The following LAPTM4A variants were observed in gnomAD, a reference collection of about 807,000 sequenced individuals.
LAPTM4A encodes the protein lysosomal protein transmembrane 4 alpha, also known as lysosomal-associated transmembrane protein 4A.
In LAPTM4A, 19 loss-of-function variants were observed where a neutral mutation model predicts 29.9. The ratio of observed to expected loss-of-function variants is 0.64; its 90% CI spans 0.44 to 0.93. The LOEUF is 0.93. Among genes scored for constraint, LAPTM4A ranks in the 40% least tolerant of loss-of-function variants. LAPTM4A has a pLI of 0.00. For synonymous variants in LAPTM4A, 105 were observed against 102.1 expected, an observed-to-expected ratio of 1.03 and a Z score of -0.17; for missense variants, 293 against 288.5, an observed-to-expected ratio of 1.02 and a Z score of -0.11.
chr2:20,033,459 G>C (rs754169272), intron 6 of LAPTM4A, among the ~76,000 whole-genome samples, 180 bp from the exon 7 acceptor site: 1 of 152,138 alleles, frequency 6.6e-6, no homozygotes, highest in Non-Finnish European at 1.5e-5. Context: ...ATTTTACCAA[G>C]ATTGCTAGCG....
intron 1 of LAPTM4A, among the ~76,000 whole-genome samples, chr2:20,043,065 G>A (rs1479379592): frequency 1.4e-5 from 2 of 147,356 alleles, no homozygotes; most frequent in Non-Finnish European, 3.0e-5. Context: ...TCAGTCCCCG[G>A]GGTAGCTGGG....
intron 1 of LAPTM4A, among the ~76,000 whole-genome samples, chr2:20,045,730 A>C (rs1435162095): frequency 6.6e-6 from 1 of 152,234 alleles, no homozygotes; most frequent in African/African-American, 2.4e-5. Context: ...CAGGGCCTGA[A>C]GAGAGGAATT....
At position 20,051,616 on chromosome 2, in the gene LAPTM4A, A is replaced by C; in HGVS notation, c.-96T>G. On this transcript the variant is annotated 5_prime_UTR_variant, in exon 1 of 7. Transcript: ENST00000175091. The stretch of plus-strand genomic sequence containing the variant: ...GCTGTTTCACGGCCTCCAAAACCCA[A>C]CGACGCGTCTTCAAACCCGCCCCCG... The C allele has an allele frequency of 1.7e-5, 13 of 754,904 alleles. No individual in the cohort carries two copies. The highest frequency in any genetic ancestry group is 2.6e-5 in the Non-Finnish European group (12 of 456,626). The allele number at this position is 754,904 out of a possible 1,614,324, so 46.8% of individuals were successfully genotyped here.
At chr2:20,049,391 A>G (rs1358392533) in intron 1 of LAPTM4A, among the ~76,000 whole-genome samples, 1 of 152,238 alleles carries the variant, frequency 6.6e-6, no homozygotes, top group Non-Finnish European at 1.5e-5. Context: ...CATCTTTTTA[A>G]AATTGTGAAA....
At chr2:20,042,360 G>A (rs1445840841) in intron 1 of LAPTM4A, among the ~76,000 whole-genome samples, 3 of 152,190 alleles carry the variant, frequency 2.0e-5, no homozygotes, top group African/African-American at 7.2e-5. Context: ...GCTCCCACCT[G>A]TACAGTTGGA....
At chr2:20,048,997 A>C (rs1673997994) in intron 1 of LAPTM4A, among the ~76,000 whole-genome samples, 1 of 152,244 alleles carries the variant, frequency 6.6e-6, no homozygotes, top group African/African-American at 2.4e-5. Flanking sequence ...AAACTATAAT[A>C]AACAAAACCA....
chr2:20,036,778 G>A (rs1254295058), intron 4 of LAPTM4A, among the ~76,000 whole-genome samples: 1 of 152,102 alleles, frequency 6.6e-6, no homozygotes, highest in Admixed American at 6.5e-5. Context: ...GACATTAATC[G>A]AAGTTCCTTA....
At chr2:20,036,134 G>C (rs981227738) in intron 4 of LAPTM4A, among the ~76,000 whole-genome samples, 6 of 152,172 alleles carry the variant, frequency 3.9e-5, no homozygotes, top group Admixed American at 3.3e-4. Context: ...TTCTCCCCCG[G>C]AGATGACATG....
intron 1 of LAPTM4A, among the ~76,000 whole-genome samples, chr2:20,045,183 T>C (rs534270322): frequency 6.6e-6 from 1 of 152,368 alleles, no homozygotes; most frequent in African/African-American, 2.4e-5. Context: ...TTAACTGTAA[T>C]CTTACAATAC....
intron 1 of LAPTM4A, among the ~76,000 whole-genome samples, chr2:20,046,885 C>G (rs975177171): frequency 1.3e-5 from 2 of 148,680 alleles, no homozygotes; most frequent in Non-Finnish European, 3.0e-5. Context: ...CTTGGCCTCC[C>G]AAAATGCTGG....
At chr2:20,047,551 G>A (rs1247890151) in intron 1 of LAPTM4A, among the ~76,000 whole-genome samples, 2 of 147,872 alleles carry the variant, frequency 1.4e-5, no homozygotes, top group South Asian at 2.2e-4. Flanking sequence ...TTAGCCGGGC[G>A]CGGTGGCGGG....
Position 20,048,933 on chromosome 2 carries a change from G to C in LAPTM4A, c.111+2477C>G, listed in dbSNP as rs1673996802. Among the ~76,000 whole-genome samples the C allele has an allele frequency of 1.3e-5, 2 of 152,206 alleles. 1 individual carries two copies. The highest frequency in any genetic ancestry group is 4.1e-4 in the South Asian group (2 of 4,832). On this transcript the variant is annotated intron_variant, in intron 1 of 6. Transcript: ENST00000175091. ...TTACATGTCTCCCCAAGTTGGTAGAGACTGTCTTTACACTGCTATGGTATT... is the reference window on the plus strand; with the variant it reads ...TTACATGTCTCCCCAAGTTGGTAGACACTGTCTTTACACTGCTATGGTATT...
chr2:20,045,818 T>C (rs770884944), intron 1 of LAPTM4A, among the ~76,000 whole-genome samples: 1 of 152,130 alleles, frequency 6.6e-6, no homozygotes, highest in Non-Finnish European at 1.5e-5. Context: ...ATTTTTCAGT[T>C]TTCCCACAGT....
intron 2 of LAPTM4A, among the ~76,000 whole-genome samples, chr2:20,039,588 C>T (rs1673750671): frequency 6.6e-6 from 1 of 151,806 alleles, no homozygotes; most frequent in South Asian, 2.1e-4. Flanking sequence ...ACCCGATCTC[C>T]ACAAAAATTT....
At chr2:20,044,720 A>G (rs1673873723) in intron 1 of LAPTM4A, among the ~76,000 whole-genome samples, 1 of 152,246 alleles carries the variant, frequency 6.6e-6, no homozygotes, top group Non-Finnish European at 1.5e-5. Flanking sequence ...ACCACTAAAT[A>G]TTAAACAAAA....
chr2:20,035,968 C>T (rs759992245), intron 4 of LAPTM4A, among the ~76,000 whole-genome samples: 30 of 152,086 alleles, frequency 2.0e-4, no homozygotes, highest in Non-Finnish European at 3.5e-4. Flanking sequence ...TAAGAACACA[C>T]TACTCCCCAA....
chr2:20,045,795 T>C (rs1184422782), intron 1 of LAPTM4A, among the ~76,000 whole-genome samples: 1 of 150,264 alleles, frequency 6.7e-6, no homozygotes, highest in Non-Finnish European at 1.5e-5. Flanking sequence ...CTGGAGACTT[T>C]AAAAAAAAAA....
intron 1 of LAPTM4A, 66 bp from the exon 2 acceptor site, chr2:20,041,077 T>G: frequency 9.5e-5 from 139 of 1,456,052 alleles, no homozygotes; most frequent in Middle Eastern, 1.7e-4. Flanking sequence ...GCACAATCTC[T>G]AGATGTCCTC....
At chr2:20,035,149 G>C in intron 4 of LAPTM4A, 87 bp from the exon 5 acceptor site, 1 of 841,656 alleles carries the variant, frequency 1.2e-6, no homozygotes. Context: ...GAATACAAAG[G>C]CACCAAAGTC....
Sources: allele counts gnomAD v4.1 joint callset (sites outside exome capture counted in the v4.1 genomes callset), GRCh38; gene constraint gnomAD v4.1.1; transcripts MANE v1.5; gene names NCBI Gene and HGNC (gene_info 2026-07-23, HGNC 2026-07-21).